Variants in DGKB observed in about 807,000 individuals in gnomAD.
DGKB encodes the protein 90 kDa diacylglycerol kinase.
A neutral mutation model predicts 114.3 loss-of-function variants in DGKB; 67 were observed. The observed-to-expected ratio is 0.59, with a 90% CI of 0.48 to 0.72. The LOEUF (loss-of-function observed/expected upper bound fraction) is 0.72, where lower values mean the gene tolerates loss of function less well. Among genes scored for constraint, DGKB ranks in the 30% least tolerant of loss-of-function variants. The pLI is 0.00. For missense variants in DGKB, 907 were observed against 975.2 expected (o/e 0.93, Z 0.93); for synonymous variants, 398 against 323.1 (o/e 1.23, Z -2.49).
At chr7:14,176,977 G>A (rs2128244373) in intron 24 of DGKB, 78 bp from the exon 25 acceptor site, 2 of 1,559,006 alleles carry the variant, frequency 1.3e-6, no homozygotes, top group Admixed American at 1.7e-5. Flanking sequence ...ATAAGATGAT[G>A]AGACCAGGGA....
intron 20 of DGKB, among the ~76,000 whole-genome samples, chr7:14,570,421 T>C (rs898590055): frequency 1.3e-5 from 2 of 152,058 alleles, no homozygotes; most frequent in South Asian, 4.1e-4. Context: ...ACATGGGAGT[T>C]AGGGGTGCTG....
intron 17 of DGKB, among the ~76,000 whole-genome samples, chr7:14,591,313 G>A (rs1584999107): frequency 2.0e-5 from 3 of 152,208 alleles, no homozygotes; most frequent in Admixed American, 6.6e-5. Context: ...GAATAAGCAT[G>A]AACATTTTGC....
chr7:14,694,408 T>C (rs1823449349), intron 8 of DGKB, among the ~76,000 whole-genome samples: 1 of 152,228 alleles, frequency 6.6e-6, no homozygotes, highest in Admixed American at 6.5e-5. Flanking sequence ...TAGAAATAAG[T>C]GCTTAACTTT....
At chr7:14,723,345 T>G (rs1213582878) in intron 5 of DGKB, among the ~76,000 whole-genome samples, 3 of 152,152 alleles carry the variant, frequency 2.0e-5, no homozygotes, top group African/African-American at 7.2e-5. Flanking sequence ...CAGTCATCAG[T>G]GAAATTCTCT....
At chr7:14,919,758 A>G (rs1203963523) in intron 1 of DGKB, among the ~76,000 whole-genome samples, 1 of 152,192 alleles carries the variant, frequency 6.6e-6, no homozygotes, top group African/African-American at 2.4e-5. Flanking sequence ...TGTATCTCTC[A>G]TGAATGGCTT....
In DGKB at chr7:14,567,233, AT is replaced by A. The variant is rs1331375099; in HGVS notation, c.1770+6978del. Among the ~76,000 whole-genome samples the A allele has an allele frequency of 6.8e-4, 36 of 52,982 alleles. 3 individuals carry two copies. The highest frequency in any genetic ancestry group is 2.9e-3 in the African/African-American group (36 of 12,600). The allele number at this position is 52,982 out of a possible 152,430, so 34.8% of individuals were successfully genotyped here. ...TATATATTTATATATAATATATATA[AT>A]TATATTATATATATTATATATTTAT... On this transcript the variant is annotated intron_variant, in intron 20 of 25. Coordinates refer to ENST00000402815, the MANE Select transcript of DGKB (RefSeq NM_001350709.2).
intron 21 of DGKB, among the ~76,000 whole-genome samples, chr7:14,474,919 A>C (rs1978671): frequency 0.33 from 49,819 of 151,826 alleles, 8,735 homozygotes; most frequent in South Asian, 0.43. Flanking sequence ...GTTAAACAGC[A>C]TGCTTTCTTT....
intron 17 of DGKB, among the ~76,000 whole-genome samples, chr7:14,590,897 C>T (rs2128744988): frequency 6.6e-6 from 1 of 151,980 alleles, no homozygotes; most frequent in Non-Finnish European, 1.5e-5. Flanking sequence ...CCTCTATTTC[C>T]CCACCTCCTC....
At chr7:14,818,995 A>G (rs1358675711) in intron 2 of DGKB, among the ~76,000 whole-genome samples, 1 of 152,170 alleles carries the variant, frequency 6.6e-6, no homozygotes, top group Non-Finnish European at 1.5e-5. Flanking sequence ...TATGGAACTG[A>G]GCGTATCAAA....
At chr7:14,278,833 G>A (rs7802050) in intron 23 of DGKB, among the ~76,000 whole-genome samples, 3,592 of 152,210 alleles carry the variant, frequency 0.024, 120 homozygotes, top group African/African-American at 0.081. Context: ...AATTAACAGT[G>A]GGTAAAATGT....
chr7:14,222,459 G>A (rs995290308), intron 23 of DGKB, among the ~76,000 whole-genome samples: 13 of 150,818 alleles, frequency 8.6e-5, no homozygotes, highest in African/African-American at 3.2e-4. Flanking sequence ...TATTTCTTTT[G>A]TTATTGATTT....
At chr7:14,718,456 T>C in intron 6 of DGKB, 86 bp downstream of exon 6, 1 of 1,268,862 alleles carries the variant, frequency 7.9e-7, no homozygotes, top group Non-Finnish European at 1.1e-6. Flanking sequence ...TATACAACTA[T>C]ACTAATGCAA....
At chr7:14,685,149 C>A (rs1305299786) in intron 10 of DGKB, 96 bp downstream of exon 10, 2 of 758,336 alleles carry the variant, frequency 2.6e-6, no homozygotes, top group Non-Finnish European at 4.6e-6. Context: ...CAGTCCAGAT[C>A]AGATCTTAGG....
At chr7:14,587,452 G>A (rs567115951) in intron 17 of DGKB, among the ~76,000 whole-genome samples, 11 of 152,154 alleles carry the variant, frequency 7.2e-5, no homozygotes, top group East Asian at 5.8e-4. Context: ...GAACACTGTC[G>A]AAATGGTAAC....
Position 14,757,489 on chromosome 7 carries a change from T to C in DGKB, c.147+166A>G, listed in dbSNP as rs115680925. ...TTTATGGTGTGCATATATATATATATACACACACATACACATATACATACA... is the reference window on the plus strand; with the variant it reads ...TTTATGGTGTGCATATATATATATACACACACACATACACATATACATACA... On this transcript the variant is annotated intron_variant, in intron 3 of 25. Transcript: ENST00000402815. Among the ~76,000 whole-genome samples, 466 of 151,588 alleles carry C rather than the reference T, an allele frequency of 3.1e-3. 1 individual carries two copies. The highest frequency in any genetic ancestry group is 9.9e-3 in the African/African-American group (406 of 41,190).
intron 13 of DGKB, among the ~76,000 whole-genome samples, chr7:14,671,916 G>C (rs539835623): frequency 6.6e-6 from 1 of 151,800 alleles, no homozygotes; most frequent in African/African-American, 2.4e-5. Flanking sequence ...ATTTACCATA[G>C]GATGTCTAAT....
intron 2 of DGKB, among the ~76,000 whole-genome samples, chr7:14,760,752 T>G (rs1835565715): frequency 6.6e-6 from 1 of 152,100 alleles, no homozygotes; most frequent in Non-Finnish European, 1.5e-5. Context: ...GCCCCACAAC[T>G]TTAGAGACAC....
At position 14,162,605 on chromosome 7, in the gene DGKB, A is replaced by T. The variant is rs78009185; in HGVS notation, c.2305-13367T>A. Among the ~76,000 whole-genome samples the T allele has an allele frequency of 4.3e-3, 656 of 152,328 alleles. 6 individuals carry two copies. Among genetic ancestry groups the T allele is most frequent in the East Asian group, 0.031 (163 of 5,188 alleles). Reference sequence around the variant, plus strand: ...ATATTACTATCTGCTAGCCAAAATGAAATTAATTTTTTGAATTGGAAACTA... The same window carrying T: ...ATATTACTATCTGCTAGCCAAAATGTAATTAATTTTTTGAATTGGAAACTA... On this transcript the variant is annotated intron_variant, in intron 25 of 25. Coordinates refer to ENST00000402815, the MANE Select transcript of DGKB (RefSeq NM_001350709.2).
At chr7:14,740,824 A>G (rs1024825518) in intron 4 of DGKB, among the ~76,000 whole-genome samples, 4 of 152,146 alleles carry the variant, frequency 2.6e-5, no homozygotes, top group Non-Finnish European at 5.9e-5. Context: ...CATGAGTGAA[A>G]GCTGCATTGA....
Sources: gnomAD v4.1 joint callset for allele counts (sites outside exome capture counted in the v4.1 genomes callset) on GRCh38, gnomAD v4.1.1 for gene constraint, MANE v1.5 for transcripts, NCBI Gene and HGNC (gene_info 2026-07-23, HGNC 2026-07-21) for gene names.